The following MTUS2 variants were observed in gnomAD, a reference collection of about 807,000 sequenced individuals.
MTUS2 encodes the protein microtubule associated scaffold protein 2.
In MTUS2, 40 loss-of-function variants were observed where a neutral mutation model predicts 114.1. The ratio of observed to expected loss-of-function variants is 0.35; its 90% CI spans 0.27 to 0.46. The LOEUF (loss-of-function observed/expected upper bound fraction) is 0.46. Ranked by LOEUF, MTUS2 falls within the 20% of genes least tolerant of loss-of-function variation. MTUS2 has a pLI of 1.00. For synonymous variants in MTUS2, 688 were observed against 672.0 expected, an observed-to-expected ratio of 1.02 and a Z score of -0.37; for missense variants, 1,679 against 1,705.4, an observed-to-expected ratio of 0.98 and a Z score of 0.27.
chr13:29,257,103 T>A (rs1290518356), intron 5 of MTUS2, among the ~76,000 whole-genome samples: 3 of 152,220 alleles, frequency 2.0e-5, no homozygotes, highest in African/African-American at 7.2e-5. Flanking sequence ...CCTTCCTTTG[T>A]CTCATCAACC....
chr13:29,208,702 A>G (rs1378441461), intron 5 of MTUS2, among the ~76,000 whole-genome samples: 9 of 152,112 alleles, frequency 5.9e-5, no homozygotes, highest in Admixed American at 5.9e-4. Context: ...TGATCATTCA[A>G]GAGCAGGTTA....
intron 2 of MTUS2, among the ~76,000 whole-genome samples, chr13:28,923,495 T>C (rs1172114427): frequency 2.6e-5 from 4 of 152,226 alleles, no homozygotes; most frequent in Non-Finnish European, 5.9e-5. Context: ...TCTTTAAGAC[T>C]GTTTGGTGTA....
intron 2 of MTUS2, among the ~76,000 whole-genome samples, chr13:28,888,816 C>CTA (rs1555270627): frequency 6.6e-6 from 1 of 151,926 alleles, no homozygotes; most frequent in Non-Finnish European, 1.5e-5. Flanking sequence ...AGAGATATTT[C>CTA]GAGAGAGAGA....
intron 6 of MTUS2, among the ~76,000 whole-genome samples, chr13:29,308,441 C>A (rs1395176553): frequency 6.6e-6 from 1 of 152,182 alleles, no homozygotes; most frequent in African/African-American, 2.4e-5. Context: ...AAACTCAAAA[C>A]TATAAAAACC....
At chr13:29,085,659 G>A (rs894391399) in intron 4 of MTUS2, among the ~76,000 whole-genome samples, 2 of 152,134 alleles carry the variant, frequency 1.3e-5, no homozygotes, top group African/African-American at 4.8e-5. Context: ...TGGTGTATAT[G>A]TACCACATTT....
At chr13:29,061,594 A>T (rs1024216079) in intron 4 of MTUS2, among the ~76,000 whole-genome samples, 1 of 13,622 alleles carries the variant, frequency 7.3e-5, no homozygotes, top group African/African-American at 2.0e-4. Flanking sequence ...TGACCTCCCC[A>T]AACTTTGGTC....
At chr13:28,950,520 C>T (rs1345676689) in intron 2 of MTUS2, among the ~76,000 whole-genome samples, 1 of 152,152 alleles carries the variant, frequency 6.6e-6, no homozygotes, top group Admixed American at 6.5e-5. Context: ...TCTTCCAAAT[C>T]CAGTGTCATG....
intron 7 of MTUS2, among the ~76,000 whole-genome samples, chr13:29,347,585 G>T (rs1868826282): frequency 6.6e-6 from 1 of 151,600 alleles, no homozygotes; most frequent in Admixed American, 6.6e-5. Flanking sequence ...CACGTGTGGG[G>T]TTTCCACACC....
At chr13:29,421,563 G>A (rs570850966) in intron 8 of MTUS2, among the ~76,000 whole-genome samples, 1 of 152,202 alleles carries the variant, frequency 6.6e-6, no homozygotes, top group Non-Finnish European at 1.5e-5. Flanking sequence ...GTCCCATCCT[G>A]CATTGCCCTA....
intron 3 of MTUS2, among the ~76,000 whole-genome samples, chr13:29,029,356 G>T (rs570244264): frequency 6.6e-6 from 1 of 152,334 alleles, no homozygotes; most frequent in South Asian, 2.1e-4. Context: ...GGACACTTGA[G>T]TCTGGCTTTA....
chr13:29,180,980 T>C (rs1021555183), intron 5 of MTUS2, among the ~76,000 whole-genome samples: 1 of 152,164 alleles, frequency 6.6e-6, no homozygotes, highest in African/African-American at 2.4e-5. Flanking sequence ...CAGAATATCC[T>C]GAAAAAAAAA....
At chr13:28,997,325 A>C (rs1250378099) in intron 2 of MTUS2, among the ~76,000 whole-genome samples, 1 of 152,114 alleles carries the variant, frequency 6.6e-6, no homozygotes. Context: ...CTATGTGGAC[A>C]ATTTTGGGAT....
intron 4 of MTUS2, among the ~76,000 whole-genome samples, chr13:29,079,209 T>G (rs1243952958): frequency 6.6e-6 from 1 of 152,224 alleles, no homozygotes; most frequent in African/African-American, 2.4e-5. Context: ...TGCTGGCCAG[T>G]TAGTTGTACA....
Position 29,258,135 on chromosome 13 carries a change from AG to A in MTUS2, c.2645-23567del, listed in dbSNP as rs1158455987. Among the ~76,000 whole-genome samples, 5 of 152,346 alleles carry A rather than the reference AG, an allele frequency of 3.3e-5. No individual in the cohort carries two copies. The East Asian group carries it at 9.6e-4, about 29-fold the overall frequency. ...CTGAGTTCTCTGCTCAGGATCTCAA[AG>A]GCTGGAATCAAGGCATTGAATGGAA... is the stretch of plus-strand genomic sequence containing the variant. On this transcript the variant is annotated intron_variant, in intron 5 of 15. Transcript: ENST00000612955.
intron 5 of MTUS2, among the ~76,000 whole-genome samples, chr13:29,104,317 G>T (rs1890561492): frequency 6.6e-6 from 1 of 151,942 alleles, no homozygotes; most frequent in Admixed American, 6.6e-5. Context: ...AGGTTGACTT[G>T]CCCTGGGTCC....
intron 5 of MTUS2, among the ~76,000 whole-genome samples, chr13:29,128,325 C>T (rs540407630): frequency 7.0e-4 from 107 of 151,924 alleles, no homozygotes; most frequent in Non-Finnish European, 1.1e-3. Context: ...ACATAATAGG[C>T]GGCAAAGGGA....
chr13:29,183,927 G>A (rs1051636035), intron 5 of MTUS2, among the ~76,000 whole-genome samples: 2 of 152,108 alleles, frequency 1.3e-5, no homozygotes, highest in Admixed American at 6.5e-5. Context: ...TTCTTCCCCC[G>A]TAGTTTGTTA....
intron 2 of MTUS2, among the ~76,000 whole-genome samples, chr13:28,844,590 AGTGTGTGTGT>A (rs60819520): frequency 6.8e-6 from 1 of 148,096 alleles, no homozygotes; most frequent in Admixed American, 6.7e-5. Flanking sequence ...TTTGTGTGTG[AGTGTGTGTGT>A]GTGTGTGTGT....
At chr13:29,246,897 A>G (rs1343825661) in intron 5 of MTUS2, among the ~76,000 whole-genome samples, 2 of 16,308 alleles carry the variant, frequency 1.2e-4, no homozygotes, top group South Asian at 3.5e-3. Flanking sequence ...CACATAACTA[A>G]AAAAAAAAAA....
Sources: allele counts gnomAD v4.1 joint callset (sites outside exome capture counted in the v4.1 genomes callset), GRCh38; gene constraint gnomAD v4.1.1; transcripts MANE v1.5; gene names NCBI Gene and HGNC (gene_info 2026-07-23, HGNC 2026-07-21).